NEGR1: variants seen among roughly 807,000 people sequenced by gnomAD.
NEGR1 encodes the protein neuronal growth regulator 1.
Under a neutral mutation model 40.9 loss-of-function variants are expected in NEGR1, and 10 were observed. That is an observed-to-expected ratio of 0.24 (90% CI 0.15 to 0.42). NEGR1 has a LOEUF of 0.42. Ranked by LOEUF, NEGR1 falls within the 10% of genes least tolerant of loss-of-function variation. The probability of loss-of-function intolerance (pLI) is 1.00; values close to 1 mark genes in which losing one functional copy is unlikely to be tolerated. For synonymous variants in NEGR1, 185 were observed against 166.8 expected, an observed-to-expected ratio of 1.11 and a Z score of -0.84; for missense variants, 352 against 438.9, an observed-to-expected ratio of 0.80 and a Z score of 1.77.
intron 2 of NEGR1, among the ~76,000 whole-genome samples, chr1:71,859,652 G>C (rs1382661490): frequency 6.6e-6 from 1 of 151,974 alleles, no homozygotes; most frequent in East Asian, 1.9e-4. Context: ...CCTGCAGATT[G>C]AATTTGCTGC....
At chr1:71,605,196 AT>A (rs1650041063) in intron 5 of NEGR1, among the ~76,000 whole-genome samples, 1 of 152,142 alleles carries the variant, frequency 6.6e-6, no homozygotes, top group South Asian at 2.1e-4. Context: ...TTAATACTTT[AT>A]TTTTAATTGA....
At chr1:72,277,193 G>A (rs1656079760) in intron 1 of NEGR1, among the ~76,000 whole-genome samples, 1 of 152,128 alleles carries the variant, frequency 6.6e-6, no homozygotes, top group African/African-American at 2.4e-5. Context: ...ACTGGGAAAT[G>A]TAGCTTGAGG....
chr1:71,674,586 G>GCACACACACACACA (rs3220087), intron 4 of NEGR1, among the ~76,000 whole-genome samples: 1 of 146,806 alleles, frequency 6.8e-6, no homozygotes, highest in East Asian at 2.0e-4. Flanking sequence ...TGCTGGGAGG[G>GCACACACACACACA]CACACACACA....
intron 2 of NEGR1, among the ~76,000 whole-genome samples, chr1:71,930,768 G>A (rs1312613691): frequency 1.3e-5 from 2 of 152,134 alleles, no homozygotes; most frequent in Admixed American, 6.6e-5. Context: ...GTGATCAGCC[G>A]CTGGGGACGG....
At chr1:72,235,416 C>A (rs368851003) in intron 1 of NEGR1, among the ~76,000 whole-genome samples, 5 of 151,786 alleles carry the variant, frequency 3.3e-5, no homozygotes, top group African/African-American at 7.3e-5. Context: ...GGGAAAAGGG[C>A]GGAAAGATTT....
chr1:71,880,437 A>G (rs1660551604), intron 2 of NEGR1, among the ~76,000 whole-genome samples: 2 of 152,092 alleles, frequency 1.3e-5, no homozygotes, highest in African/African-American at 4.8e-5. Context: ...CTCTAAGAAT[A>G]TATGAAAGCC....
rs761655713 is a variant in NEGR1, at chr1:71,508,322, AC to A, written c.940+84494del. On this transcript the variant is annotated intron_variant, in intron 6 of 6. Transcript: ENST00000357731. The stretch of plus-strand genomic sequence containing the variant: ...TTGAGTCAAGGGACTGAGAAAAGAG[AC>A]CCCAGGAGGGAGGGAAAAAGACTGG... Among the ~76,000 whole-genome samples the A allele has an allele frequency of 2.9e-4, 44 of 152,178 alleles. 1 individual carries two copies. The highest frequency in any genetic ancestry group is 4.9e-4 in the Non-Finnish European group (33 of 68,008).
intron 6 of NEGR1, among the ~76,000 whole-genome samples, chr1:71,450,505 T>C (rs1253735525): frequency 1.3e-5 from 2 of 152,170 alleles, no homozygotes; most frequent in East Asian, 3.9e-4. Context: ...TCTTTGGATG[T>C]TGAAAATAAG....
At chr1:72,003,288 C>T (rs568175155) in intron 1 of NEGR1, among the ~76,000 whole-genome samples, 4 of 151,432 alleles carry the variant, frequency 2.6e-5, no homozygotes, top group East Asian at 1.9e-4. Context: ...TTGACTTTTA[C>T]GGCTTTGTAA....
At chr1:72,134,461 C>T (rs1322378644) in intron 1 of NEGR1, among the ~76,000 whole-genome samples, 1 of 151,932 alleles carries the variant, frequency 6.6e-6, no homozygotes, top group Non-Finnish European at 1.5e-5. Flanking sequence ...GCCTCGGCCT[C>T]CCAAAGTGCT....
rs140680268 is a variant in NEGR1 at position 72,224,893 on chromosome 1, T to C, written c.176+57426A>G. ...GCAAAGATACGCATAATTCTTATAATTATTAATTTAATTAACATCATGAAT... is the reference window on the plus strand; with the variant it reads ...GCAAAGATACGCATAATTCTTATAACTATTAATTTAATTAACATCATGAAT... On this transcript the variant is annotated intron_variant, in intron 1 of 6. Transcript: ENST00000357731. Among the ~76,000 whole-genome samples the C allele has an allele frequency of 3.5e-3, 533 of 152,210 alleles. 4 individuals carry two copies. The highest frequency in any genetic ancestry group is 0.012 in the African/African-American group (515 of 41,564).
intron 3 of NEGR1, among the ~76,000 whole-genome samples, chr1:71,719,832 T>A (rs1054578222): frequency 6.6e-6 from 1 of 152,170 alleles, no homozygotes; most frequent in African/African-American, 2.4e-5. Context: ...CGTGTCCATG[T>A]GTTCTTTTTA....
At chr1:71,758,584 C>A (rs1342014649) in intron 3 of NEGR1, among the ~76,000 whole-genome samples, 2 of 151,708 alleles carry the variant, frequency 1.3e-5, no homozygotes, top group African/African-American at 2.4e-5. Context: ...TCAAGTTAAC[C>A]AAGAAAAACA....
intron 1 of NEGR1, among the ~76,000 whole-genome samples, chr1:72,175,292 A>G (rs546037375): frequency 7.9e-4 from 121 of 152,290 alleles, no homozygotes; most frequent in African/African-American, 2.8e-3. Context: ...AAGTGGATTC[A>G]GGTTATGCTT....
At chr1:71,829,789 A>G (rs1658774575) in intron 2 of NEGR1, among the ~76,000 whole-genome samples, 1 of 152,020 alleles carries the variant, frequency 6.6e-6, no homozygotes, top group Non-Finnish European at 1.5e-5. Flanking sequence ...TATGGTCCAC[A>G]GTGAAATGTG....
intron 6 of NEGR1, among the ~76,000 whole-genome samples, chr1:71,450,901 T>G (rs900594113): frequency 3.9e-5 from 6 of 152,120 alleles, no homozygotes; most frequent in Non-Finnish European, 4.4e-5. Flanking sequence ...AATGATTAAA[T>G]ATTACTTACA....
chr1:71,692,534 C>A (rs1458756845), intron 4 of NEGR1, among the ~76,000 whole-genome samples: 2 of 151,578 alleles, frequency 1.3e-5, no homozygotes, highest in Admixed American at 1.3e-4. Context: ...TCTGCAATTT[C>A]TTCTAGTCTT....
chr1:71,596,816 T>C (rs1469069973), intron 5 of NEGR1, among the ~76,000 whole-genome samples: 3 of 152,182 alleles, frequency 2.0e-5, no homozygotes, highest in Admixed American at 6.5e-5. Flanking sequence ...TCATTCCTAA[T>C]GTAGGACATA....
At chr1:71,466,839 A>C (rs1210426173) in intron 6 of NEGR1, among the ~76,000 whole-genome samples, 1 of 152,130 alleles carries the variant, frequency 6.6e-6, no homozygotes, top group Non-Finnish European at 1.5e-5. Flanking sequence ...TCAACTGTTG[A>C]TCTTGTTTAA....
Sources: allele counts gnomAD v4.1 joint callset (sites outside exome capture counted in the v4.1 genomes callset), GRCh38; gene constraint gnomAD v4.1.1; transcripts MANE v1.5; gene names NCBI Gene and HGNC (gene_info 2026-07-23, HGNC 2026-07-21).